The following ADARB1 variants were observed in gnomAD, a reference collection of about 807,000 sequenced individuals.
The protein encoded by ADARB1 is double-stranded RNA-specific editase 1.
A neutral mutation model predicts 52.4 loss-of-function variants in ADARB1; 10 were observed. The observed-to-expected ratio is 0.19, with a 90% CI of 0.12 to 0.32. The LOEUF (loss-of-function observed/expected upper bound fraction) is 0.32. Among genes scored for constraint, ADARB1 ranks in the 10% least tolerant of loss-of-function variants. The pLI, the probability that ADARB1 is intolerant of heterozygous loss-of-function variation, is 1.00. For synonymous variants in ADARB1, 349 were observed against 371.1 expected (o/e 0.94, Z 0.68); for missense variants, 643 against 922.3 (o/e 0.70, Z 3.92).
At chr21:45,125,235 C>T (rs752499341) in intron 1 of ADARB1, among the ~76,000 whole-genome samples, 8 of 152,150 alleles carry the variant, frequency 5.3e-5, no homozygotes, top group Non-Finnish European at 1.0e-4. Flanking sequence ...TTTCTCTTGC[C>T]GCCTGATGAC....
At chr21:45,115,539 A>G (rs1195012805) in intron 1 of ADARB1, among the ~76,000 whole-genome samples, 1 of 152,232 alleles carries the variant, frequency 6.6e-6, no homozygotes, top group Non-Finnish European at 1.5e-5. Flanking sequence ...TAGCAGCCAG[A>G]TCACTGATTT....
chr21:45,205,638 G>T (rs746746568), intron 9 of ADARB1, among the ~76,000 whole-genome samples: 2 of 152,190 alleles, frequency 1.3e-5, no homozygotes, highest in African/African-American at 4.8e-5. Flanking sequence ...TTCATTGCTG[G>T]TTTTCTTTTT....
At chr21:45,148,446 C>T (rs759419793) in intron 2 of ADARB1, among the ~76,000 whole-genome samples, 37 of 152,360 alleles carry the variant, frequency 2.4e-4, no homozygotes, top group Admixed American at 6.5e-4. Flanking sequence ...GACACTGAGG[C>T]TCCTGCCTTA....
At chr21:45,075,127 G>C (rs545119078) in intron 1 of ADARB1, among the ~76,000 whole-genome samples, 2 of 149,816 alleles carry the variant, frequency 1.3e-5, no homozygotes, top group East Asian at 4.0e-4. Flanking sequence ...GCGCCCTGGG[G>C]ACCGAGACTG....
chr21:45,153,716 G>A (rs938357184), intron 2 of ADARB1, among the ~76,000 whole-genome samples: 3 of 152,204 alleles, frequency 2.0e-5, no homozygotes, highest in African/African-American at 7.2e-5. Context: ...GGGAACCCCT[G>A]ACCCTGGGCC....
chr21:45,134,615 T>C (rs1390311990), intron 2 of ADARB1: 16 of 390,428 alleles, frequency 4.1e-5, no homozygotes, highest in South Asian at 1.3e-4. Flanking sequence ...TCAGGGTCCA[T>C]AGTACATGAA....
intron 8 of ADARB1, among the ~76,000 whole-genome samples, chr21:45,189,433 A>G (rs1271448977): frequency 6.6e-6 from 1 of 152,216 alleles, no homozygotes; most frequent in Non-Finnish European, 1.5e-5. Flanking sequence ...ATCCATTAAT[A>G]TACATTGTAG....
At chr21:45,110,864 T>C (rs1177137550) in intron 1 of ADARB1, among the ~76,000 whole-genome samples, 1 of 152,204 alleles carries the variant, frequency 6.6e-6, no homozygotes, top group Admixed American at 6.5e-5. Context: ...AAGGTACTCC[T>C]GAGTGCTGTG....
intron 1 of ADARB1, among the ~76,000 whole-genome samples, chr21:45,108,635 C>T (rs934075061): frequency 6.6e-6 from 1 of 152,200 alleles, no homozygotes; most frequent in African/African-American, 2.4e-5. Context: ...ACCACACCCA[C>T]ATCCCTAAAC....
intron 1 of ADARB1, among the ~76,000 whole-genome samples, chr21:45,079,555 G>A (rs1315145259): frequency 6.6e-6 from 1 of 152,178 alleles, no homozygotes; most frequent in Non-Finnish European, 1.5e-5. Context: ...CAGATCTGGA[G>A]GACGAGGGTT....
At chr21:45,075,162 C>A (rs956261689) in intron 1 of ADARB1, among the ~76,000 whole-genome samples, 1 of 150,762 alleles carries the variant, frequency 6.6e-6, no homozygotes, top group East Asian at 2.0e-4. Flanking sequence ...GACGGTGTGC[C>A]CTGGAGATCG....
chr21:45,222,394 G>A lies in ADARB1; in HGVS notation c.*197G>A. 3 of 1,320,424 alleles carry A rather than the reference G, an allele frequency of 2.3e-6. No individual in the cohort carries two copies. Among genetic ancestry groups the A allele is most frequent in the South Asian group, 4.8e-5 (2 of 41,714 alleles). The allele number at this position is 1,320,424 out of a possible 1,614,324, so 81.8% of individuals were successfully genotyped here. ...GGTGCGCAGTGTGGGGAGGGGATGGGGTGCGTCAGGGCCCAGCATCGCCGC... is the reference window on the plus strand; with the variant it reads ...GGTGCGCAGTGTGGGGAGGGGATGGAGTGCGTCAGGGCCCAGCATCGCCGC... On this transcript the variant is annotated 3_prime_UTR_variant, in exon 11 of 11. Coordinates refer to ENST00000348831, the MANE Select transcript of ADARB1 (RefSeq NM_001112.4).
chr21:45,188,422 T>C (rs1370582219), intron 8 of ADARB1, among the ~76,000 whole-genome samples: 3 of 152,204 alleles, frequency 2.0e-5, no homozygotes, highest in African/African-American at 7.2e-5. Flanking sequence ...CTTTTCTTAA[T>C]TGGGAAATTT....
Position 45,175,608 on chromosome 21 carries a change from A to G in ADARB1, c.29-122A>G, listed in dbSNP as rs904097688. 3.0e-6 allele frequency: 3 copies of G among 994,076 alleles called. No individual in the cohort carries two copies. The Admixed American group carries it at 6.8e-5, about 23-fold the overall frequency. 61.6% of individuals were successfully genotyped at this position (994,076 alleles called of 1,614,324 possible). A position where few individuals can be genotyped will look rare whatever the true frequency, so the allele number is the denominator to read the frequency against. On this transcript the variant is annotated intron_variant, in intron 3 of 10. Coordinates refer to ENST00000348831, the MANE Select transcript of ADARB1 (RefSeq NM_001112.4). Reference sequence around the variant, plus strand: ...TAACTCTTCATGTATACATCAAGGAATAAAATTTATAAGCACACATCACTT... The same window carrying G: ...TAACTCTTCATGTATACATCAAGGAGTAAAATTTATAAGCACACATCACTT...
At chr21:45,077,005 G>T (rs12482951) in intron 1 of ADARB1, among the ~76,000 whole-genome samples, 10,282 of 152,228 alleles carry the variant, frequency 0.068, 393 homozygotes, top group East Asian at 0.15. Flanking sequence ...CTCCATCCCT[G>T]GGCACTTGGT....
At chr21:45,093,187 G>A (rs941146625) in intron 1 of ADARB1, among the ~76,000 whole-genome samples, 2 of 152,176 alleles carry the variant, frequency 1.3e-5, no homozygotes, top group African/African-American at 2.4e-5. Flanking sequence ...TCGCCCCACC[G>A]GCACTTGGCT....
intron 9 of ADARB1, among the ~76,000 whole-genome samples, chr21:45,213,630 C>A (rs2092810520): frequency 1.3e-5 from 2 of 152,190 alleles, no homozygotes; most frequent in Admixed American, 6.5e-5. Context: ...TGGGATTTTA[C>A]ATAAATGTCA....
At chr21:45,097,316 A>G (rs748486203) in intron 1 of ADARB1, among the ~76,000 whole-genome samples, 22 of 152,204 alleles carry the variant, frequency 1.4e-4, no homozygotes, top group Non-Finnish European at 2.8e-4. Context: ...GAGGGAGGCT[A>G]ACATGATTTT....
Position 45,097,292 on chromosome 21 carries a change from C to G in ADARB1, c.-220+22499C>G, listed in dbSNP as rs958656692. On this transcript the variant is annotated intron_variant, in intron 1 of 10. Coordinates refer to ENST00000348831, the MANE Select transcript of ADARB1 (RefSeq NM_001112.4). ...ACTAAGCTTATGAGCTTTGGGGAAG[C>G]CTGGTGTGCAAATGAGGGAGGCTAA... Among the ~76,000 whole-genome samples the G allele has an allele frequency of 2.6e-5, 4 of 152,126 alleles. No homozygotes were observed. The South Asian group carries it at 8.3e-4, about 32-fold the overall frequency.
Sources: allele counts gnomAD v4.1 joint callset (sites outside exome capture counted in the v4.1 genomes callset), GRCh38; gene constraint gnomAD v4.1.1; transcripts MANE v1.5; gene names NCBI Gene and HGNC (gene_info 2026-07-23, HGNC 2026-07-21).